Variants in SYNE1 observed in about 807,000 individuals in gnomAD.
The protein encoded by SYNE1 is spectrin repeat containing nuclear envelope protein 1, also known as nesprin-1.
Under a neutral mutation model 1,111.0 loss-of-function variants are expected in SYNE1, and 616 were observed. That is an observed-to-expected ratio of 0.55 (90% CI 0.52 to 0.59). The LOEUF (loss-of-function observed/expected upper bound fraction) is 0.59. Among genes scored for constraint, SYNE1 ranks in the 20% least tolerant of loss-of-function variants. The pLI is 0.00. For missense variants in SYNE1, 10,006 were observed against 10,417.0 expected, an observed-to-expected ratio of 0.96 and a Z score of 1.72; for synonymous variants, 3,855 against 3,825.8, an observed-to-expected ratio of 1.01 and a Z score of -0.28.
chr6:152,326,215 A>G, intron 79 of SYNE1, 81 bp downstream of exon 79: 2 of 1,611,312 alleles, frequency 1.2e-6, no homozygotes, highest in South Asian at 2.2e-5. Context: ...TTACGTGCTA[A>G]TGTATATCAT....
intron 105 of SYNE1, among the ~76,000 whole-genome samples, chr6:152,245,987 T>C (rs979580224): frequency 6.6e-6 from 1 of 152,150 alleles, no homozygotes; most frequent in East Asian, 1.9e-4. Context: ...GTGGGGCCCC[T>C]GAGTCTTCTC....
Position 152,180,292 on chromosome 6 carries a change from G to A in SYNE1, c.23304C>T (p.Leu7768=). The change falls in exon 129 of 146, where the codon CTC becomes CTT. Residue 7768 remains leucine (L), a splice_region_variant and synonymous_variant. Coordinates refer to ENST00000367255, the MANE Select transcript of SYNE1 (RefSeq NM_182961.4). ...CACCTATTTGCTGCCGCCTTAAGGA[G>A]AGCTGAAAAGTTTAAAATGGGAGAA... The part of the protein sequence containing the change: ...QRQWEELCHQ[L]SLRRQQIGER... The A allele has an allele frequency of 6.2e-7, 1 of 1,614,006 alleles. No individual in the cohort carries two copies. Among genetic ancestry groups the A allele is most frequent in the Non-Finnish European group, 8.5e-7 (1 of 1,179,982 alleles).
chr6:152,267,774 T>C (rs537596866), intron 100 of SYNE1, among the ~76,000 whole-genome samples: 1 of 152,348 alleles, frequency 6.6e-6, no homozygotes, highest in East Asian at 1.9e-4. Flanking sequence ...TCATTTATAA[T>C]GCATTTCTTA....
At chr6:152,511,703 C>G (rs1356065951) in intron 6 of SYNE1, 2 of 1,097,764 alleles carry the variant, frequency 1.8e-6, no homozygotes, top group Non-Finnish European at 2.8e-6. Context: ...TAGAACCTGA[C>G]TGTGGTAATA....
chr6:152,189,836 T>C (rs1263245896), intron 127 of SYNE1, among the ~76,000 whole-genome samples: 1 of 152,170 alleles, frequency 6.6e-6, no homozygotes, highest in African/African-American at 2.4e-5. Flanking sequence ...ACTGATCCAG[T>C]GGTGATTGAT....
intron 97 of SYNE1, among the ~76,000 whole-genome samples, 194 bp from the exon 98 acceptor site, chr6:152,278,474 A>AT (rs914195404): frequency 3.3e-5 from 5 of 150,266 alleles, no homozygotes; most frequent in Admixed American, 1.3e-4. Context: ...ATTTATTTTT[A>AT]TTTTTTTAGA....
At chr6:152,363,098 G>A (rs1167433673) in intron 63 of SYNE1, among the ~76,000 whole-genome samples, 1 of 151,314 alleles carries the variant, frequency 6.6e-6, no homozygotes, top group African/African-American at 2.4e-5. Context: ...AGCCAGGATG[G>A]TCTTGATCTC....
At chr6:152,334,500 A>T (rs1040961528) in intron 76 of SYNE1, among the ~76,000 whole-genome samples, 3 of 152,262 alleles carry the variant, frequency 2.0e-5, no homozygotes, top group Middle Eastern at 3.2e-3. Flanking sequence ...GCTGTGGTAT[A>T]TTCTTTTATT....
At chr6:152,213,025 C>T (rs935790946) in intron 123 of SYNE1, among the ~76,000 whole-genome samples, 42 of 151,998 alleles carry the variant, frequency 2.8e-4, no homozygotes, top group African/African-American at 8.0e-4. Context: ...TTAGTTATAC[C>T]GGTAAATAGC....
intron 3 of SYNE1, among the ~76,000 whole-genome samples, chr6:152,596,802 C>T (rs1583143831): frequency 6.6e-6 from 1 of 152,172 alleles, no homozygotes; most frequent in East Asian, 1.9e-4. Context: ...ATCTTCCCTT[C>T]CTGTTGAATT....
chr6:152,350,696 T>A lies in SYNE1; in HGVS notation c.11655A>T (p.Glu3885Asp). 6.2e-7 allele frequency: 1 copy of A among 1,614,130 alleles called. No individual in the cohort carries two copies. Among genetic ancestry groups the A allele is most frequent in the Non-Finnish European group, 8.5e-7 (1 of 1,180,024 alleles). The change falls in exon 71 of 146, where the codon GAA (glutamate) becomes GAT (aspartate). Residue 3885 changes from glutamate (E) to aspartate (D), a missense_variant. Coordinates refer to ENST00000367255, the MANE Select transcript of SYNE1 (RefSeq NM_182961.4). Reference protein sequence around the residue: ...SVREKGEALLELVQDVTLKDK... With the variant: ...SVREKGEALLDLVQDVTLKDK... ...CCTTTAAAGTGACGTCCTGCACCAG[T>A]TCCAAAAGAGCTTCACCCTTCTCTC...
chr6:152,167,443 A>C (rs1353974149), intron 130 of SYNE1, among the ~76,000 whole-genome samples: 2 of 152,208 alleles, frequency 1.3e-5, no homozygotes, highest in African/African-American at 2.4e-5. Flanking sequence ...GAGGGATGAT[A>C]CAGTAAAGAA....
chr6:152,361,224 G>A (rs1301114808), intron 64 of SYNE1, among the ~76,000 whole-genome samples: 1 of 152,218 alleles, frequency 6.6e-6, no homozygotes, highest in African/African-American at 2.4e-5. Flanking sequence ...AGGCTGGAGA[G>A]CGCAAGGGAG....
intron 127 of SYNE1, among the ~76,000 whole-genome samples, chr6:152,199,073 C>T (rs544058439): frequency 6.6e-6 from 1 of 152,060 alleles, no homozygotes; most frequent in South Asian, 2.1e-4. Context: ...GAGGTTTGCC[C>T]ATATTTCATT....
At chr6:152,296,594 A>C (rs2094894033) in intron 93 of SYNE1, among the ~76,000 whole-genome samples, 1 of 152,254 alleles carries the variant, frequency 6.6e-6, no homozygotes, top group Non-Finnish European at 1.5e-5. Context: ...TTCTCATTAC[A>C]GTAACAGCTT....
intron 104 of SYNE1, among the ~76,000 whole-genome samples, chr6:152,251,233 G>A (rs372554691): frequency 2.0e-5 from 3 of 151,986 alleles, no homozygotes; most frequent in Middle Eastern, 3.2e-3. Flanking sequence ...TTACAGGCGT[G>A]AGCCACCGCA....
At position 152,166,439 on chromosome 6, in the gene SYNE1, C is replaced by T. The variant is rs1586694387; in HGVS notation, c.23628-2114G>A. ...TCTAGATTCAACATTTGCCAGTGCT[C>T]TATTTGTCAAGTACTAAAATTCATT... On this transcript the variant is annotated intron_variant, in intron 130 of 145. Transcript: ENST00000367255. 2.6e-5 allele frequency among the ~76,000 whole-genome samples: 4 copies of T among 152,150 alleles called. No homozygotes were observed. The East Asian group carries it at 7.7e-4, about 29-fold the overall frequency.
chr6:152,313,496 C>G (rs2153869067), intron 87 of SYNE1, among the ~76,000 whole-genome samples: 1 of 144,992 alleles, frequency 6.9e-6, no homozygotes, highest in Non-Finnish European at 1.5e-5. Context: ...TGGAGTCTTG[C>G]TCTGTGGCCA....
chr6:152,549,639 A>G lies in SYNE1; in HGVS notation c.68-9618T>C, dbSNP rs555523504. On this transcript the variant is annotated intron_variant, in intron 3 of 145. Transcript: ENST00000367255. ...TCTGCATGAGTTCTGACATGGATTG[A>G]TGCGAAGGGACAGACGAGAAGAGAG... Among the ~76,000 whole-genome samples the G allele has an allele frequency of 9.2e-5, 14 of 152,358 alleles. No individual in the cohort carries two copies. The South Asian group carries it at 2.5e-3, about 27-fold the overall frequency.
Sources: gnomAD v4.1 joint callset for allele counts (sites outside exome capture counted in the v4.1 genomes callset) on GRCh38, gnomAD v4.1.1 for gene constraint, MANE v1.5 for transcripts, NCBI Gene and HGNC (gene_info 2026-07-23, HGNC 2026-07-21) for gene names.